Variants in RCAN2 observed in about 807,000 individuals in gnomAD.
The protein encoded by RCAN2 is regulator of calcineurin 2, also known as calcipressin-2.
In RCAN2, 9 loss-of-function variants were observed where a neutral mutation model predicts 23.6. That is an observed-to-expected ratio of 0.38 (90% CI 0.23 to 0.67). The LOEUF is 0.67. RCAN2 is among the 30% of genes least tolerant of loss of function. The pLI is 0.51. For synonymous variants in RCAN2, 109 were observed against 115.7 expected, an observed-to-expected ratio of 0.94 and a Z score of 0.37; for missense variants, 273 against 302.3, an observed-to-expected ratio of 0.90 and a Z score of 0.72.
At chr6:46,270,582 T>A (rs1462535896) in intron 2 of RCAN2, among the ~76,000 whole-genome samples, 1 of 152,214 alleles carries the variant, frequency 6.6e-6, no homozygotes, top group Non-Finnish European at 1.5e-5. Context: ...CATGCCCTTA[T>A]GCAAGCCCCT....
chr6:46,264,824 G>A (rs1377854073), intron 2 of RCAN2, among the ~76,000 whole-genome samples: 1 of 152,152 alleles, frequency 6.6e-6, no homozygotes, highest in African/African-American at 2.4e-5. Context: ...ATATGACTTA[G>A]GTTAAAATGC....
intron 2 of RCAN2, among the ~76,000 whole-genome samples, chr6:46,415,968 T>C (rs1344648255): frequency 6.6e-6 from 1 of 152,196 alleles, no homozygotes; most frequent in Non-Finnish European, 1.5e-5. Flanking sequence ...AGATTACTTA[T>C]AATACTTAGT....
intron 2 of RCAN2, among the ~76,000 whole-genome samples, chr6:46,334,694 C>T (rs891910236): frequency 2.6e-5 from 4 of 152,142 alleles, no homozygotes; most frequent in African/African-American, 9.7e-5. Flanking sequence ...TGCCCTCAGG[C>T]AGACTCAGGG....
intron 2 of RCAN2, among the ~76,000 whole-genome samples, chr6:46,355,943 C>T (rs888965583): frequency 5.3e-5 from 8 of 152,320 alleles, no homozygotes; most frequent in Non-Finnish European, 1.0e-4. Flanking sequence ...GATGCCTTCT[C>T]TACTAACCCA....
At chr6:46,434,491 A>C (rs146205716) in intron 2 of RCAN2, among the ~76,000 whole-genome samples, 1 of 152,306 alleles carries the variant, frequency 6.6e-6, no homozygotes, top group African/African-American at 2.4e-5. Flanking sequence ...CATGTCACTA[A>C]GCACAGACTG....
intron 2 of RCAN2, among the ~76,000 whole-genome samples, chr6:46,282,507 AAAG>A (rs1245122393): frequency 7.1e-6 from 1 of 140,856 alleles, no homozygotes. Flanking sequence ...CAAACAAACA[AAAG>A]GTCACACTGG....
chr6:46,425,498 C>A (rs1477465164), intron 2 of RCAN2, among the ~76,000 whole-genome samples: 1 of 152,188 alleles, frequency 6.6e-6, no homozygotes, highest in African/African-American at 2.4e-5. Context: ...AATTATCAGA[C>A]TATACTTTGG....
At chr6:46,390,019 C>CAAAAAA (rs34443128) in intron 2 of RCAN2, among the ~76,000 whole-genome samples, 1 of 137,694 alleles carries the variant, frequency 7.3e-6, no homozygotes, top group African/African-American at 2.8e-5. Flanking sequence ...TATTCGAGAC[C>CAAAAAA]AAAAAAAAAA....
At chr6:46,296,184 T>A (rs1245870756) in intron 2 of RCAN2, among the ~76,000 whole-genome samples, 1 of 151,862 alleles carries the variant, frequency 6.6e-6, no homozygotes, top group African/African-American at 2.4e-5. Context: ...AATACCCAGT[T>A]GCTTGATGGT....
intron 2 of RCAN2, among the ~76,000 whole-genome samples, chr6:46,377,051 AG>A (rs1765493967): frequency 6.6e-6 from 1 of 152,206 alleles, no homozygotes; most frequent in South Asian, 2.1e-4. Flanking sequence ...CAATTTCATG[AG>A]GAAAAAAAGG....
chr6:46,384,351 T>G (rs1011251466), intron 2 of RCAN2, among the ~76,000 whole-genome samples: 3 of 152,230 alleles, frequency 2.0e-5, no homozygotes, highest in Non-Finnish European at 4.4e-5. Flanking sequence ...TTATACATAT[T>G]CAAGCATCAC....
intron 2 of RCAN2, among the ~76,000 whole-genome samples, chr6:46,440,736 A>G (rs1465847684): frequency 6.6e-6 from 1 of 152,180 alleles, no homozygotes; most frequent in African/African-American, 2.4e-5. Context: ...AGAAAAACAC[A>G]TAAATCACAT....
chr6:46,395,533 T>C (rs1766062088), intron 2 of RCAN2, among the ~76,000 whole-genome samples: 2 of 152,198 alleles, frequency 1.3e-5, no homozygotes, highest in Non-Finnish European at 2.9e-5. Context: ...ACATTTCAAA[T>C]CAAAATCTCA....
chr6:46,352,195 G>T (rs1582133073), intron 2 of RCAN2, among the ~76,000 whole-genome samples: 1 of 152,128 alleles, frequency 6.6e-6, no homozygotes, highest in East Asian at 1.9e-4. Flanking sequence ...CACAGGAAAG[G>T]CTTAATCTGG....
rs141795809 is a variant in RCAN2 at position 46,329,711 on chromosome 6, C to A, written c.226-80815G>T. Among the ~76,000 whole-genome samples the A allele has an allele frequency of 2.0e-5, 3 of 152,264 alleles. No homozygotes were observed. In the East Asian group the frequency reaches 5.8e-4, roughly 29 times the overall value. The stretch of plus-strand genomic sequence containing the variant: ...AGCTGAGTCCTGGCTTAGCTCTGTT[C>A]AGGAGTGTCCTTTCCAGCTGAAGTG... On this transcript the variant is annotated intron_variant, in intron 2 of 4. Coordinates refer to ENST00000371374, the MANE Select transcript of RCAN2 (RefSeq NM_001251974.2).
intron 2 of RCAN2, among the ~76,000 whole-genome samples, chr6:46,346,273 A>G (rs1468866679): frequency 6.6e-6 from 1 of 152,146 alleles, no homozygotes; most frequent in Non-Finnish European, 1.5e-5. Context: ...CTCTATAGTG[A>G]AAAGGAAAAG....
intron 1 of RCAN2, among the ~76,000 whole-genome samples, chr6:46,487,711 G>A (rs1318442629): frequency 1.3e-5 from 2 of 152,188 alleles, no homozygotes; most frequent in Non-Finnish European, 2.9e-5. Flanking sequence ...AGGCAGGCAG[G>A]GTTCCCCTTC....
At chr6:46,414,116 C>T (rs1766630617) in intron 2 of RCAN2, among the ~76,000 whole-genome samples, 1 of 152,162 alleles carries the variant, frequency 6.6e-6, no homozygotes, top group African/African-American at 2.4e-5. Flanking sequence ...TGCCAATATG[C>T]TGGCCAGTGA....
chr6:46,466,453 A>G (rs941532383), intron 1 of RCAN2, among the ~76,000 whole-genome samples: 1 of 152,182 alleles, frequency 6.6e-6, no homozygotes, highest in Middle Eastern at 3.2e-3. Flanking sequence ...AGGACTCACT[A>G]GAAGTCCAAG....
Sources: allele counts gnomAD v4.1 joint callset (sites outside exome capture counted in the v4.1 genomes callset), GRCh38; gene constraint gnomAD v4.1.1; transcripts MANE v1.5; gene names NCBI Gene and HGNC (gene_info 2026-07-23, HGNC 2026-07-21).